ZNF385D: variants seen among roughly 807,000 people sequenced by gnomAD.
ZNF385D encodes the protein zinc finger protein 659.
ZNF385D carries 15 observed loss-of-function variants against 35.8 expected under a neutral mutation model. The ratio of observed to expected loss-of-function variants is 0.42; its 90% CI spans 0.28 to 0.64. The LOEUF is 0.64. ZNF385D is among the 30% of genes least tolerant of loss of function. The pLI, the probability that ZNF385D is intolerant of heterozygous loss-of-function variation, is 0.23. For synonymous variants in ZNF385D, 212 were observed against 186.8 expected, an observed-to-expected ratio of 1.13 and a Z score of -1.10; for missense variants, 474 against 494.6, an observed-to-expected ratio of 0.96 and a Z score of 0.39.
intron 2 of ZNF385D, among the ~76,000 whole-genome samples, chr3:22,292,602 T>C (rs908476395): frequency 2.0e-5 from 3 of 152,114 alleles, no homozygotes; most frequent in Non-Finnish European, 4.4e-5. Context: ...TTCATGTTGG[T>C]TCTTTCACAC....
chr3:22,266,170 G>T (rs2125353505), intron 2 of ZNF385D, among the ~76,000 whole-genome samples: 1 of 151,956 alleles, frequency 6.6e-6, no homozygotes, highest in East Asian at 2.0e-4. Context: ...TTTCCATTTG[G>T]ACCTTCATAC....
At chr3:22,219,126 T>C (rs963274927) in intron 2 of ZNF385D, among the ~76,000 whole-genome samples, 1 of 152,170 alleles carries the variant, frequency 6.6e-6, no homozygotes, top group African/African-American at 2.4e-5. Context: ...TAGCTCTTTT[T>C]GGGCTGAGAC....
chr3:22,195,351 A>T (rs1307199175), intron 2 of ZNF385D, among the ~76,000 whole-genome samples: 2 of 151,956 alleles, frequency 1.3e-5, no homozygotes, highest in East Asian at 3.9e-4. Flanking sequence ...GAGTTTTGAG[A>T]TTACGTACCC....
intron 3 of ZNF385D, among the ~76,000 whole-genome samples, chr3:21,517,292 C>G (rs1358400222): frequency 6.6e-6 from 1 of 151,954 alleles, no homozygotes; most frequent in Non-Finnish European, 1.5e-5. Flanking sequence ...TGAAGCCAAA[C>G]GACTGCCGAG....
chr3:22,265,657 T>C (rs190816862), intron 2 of ZNF385D, among the ~76,000 whole-genome samples: 48 of 152,074 alleles, frequency 3.2e-4, no homozygotes, highest in African/African-American at 1.1e-3. Context: ...CACTGAGTGA[T>C]AGAATTTTGG....
intron 4 of ZNF385D, among the ~76,000 whole-genome samples, chr3:21,456,597 G>T (rs1186836311): frequency 6.6e-6 from 1 of 152,066 alleles, no homozygotes; most frequent in Admixed American, 6.6e-5. Context: ...GGGGTGGGGG[G>T]AGTAAGGAGG....
chr3:21,830,079 T>A (rs1046224591), intron 3 of ZNF385D, among the ~76,000 whole-genome samples: 6 of 151,892 alleles, frequency 4.0e-5, no homozygotes, highest in Non-Finnish European at 8.8e-5. Context: ...GCCCGAGATA[T>A]CACTACTGCA....
At chr3:21,564,751 T>C in intron 2 of ZNF385D, 67 bp from the exon 3 acceptor site, 2 of 1,029,066 alleles carry the variant, frequency 1.9e-6, no homozygotes, top group Non-Finnish European at 2.8e-6. Flanking sequence ...GAATTTTGCC[T>C]ATTTCATTAA....
chr3:22,142,622 A>C (rs1041556562), intron 3 of ZNF385D, among the ~76,000 whole-genome samples: 2 of 152,240 alleles, frequency 1.3e-5, no homozygotes, highest in South Asian at 2.1e-4. Context: ...AGATTGTGTT[A>C]ATGGTATAGA....
At chr3:21,942,159 C>G (rs536252640) in intron 3 of ZNF385D, among the ~76,000 whole-genome samples, 2 of 152,056 alleles carry the variant, frequency 1.3e-5, no homozygotes, top group African/African-American at 4.8e-5. Context: ...AATTTTATAG[C>G]GTAATTTTTA....
intron 2 of ZNF385D, among the ~76,000 whole-genome samples, chr3:22,221,552 C>G (rs571955610): frequency 1.3e-5 from 2 of 152,204 alleles, no homozygotes; most frequent in East Asian, 3.9e-4. Context: ...ATAAAAGATG[C>G]CTTAATTTCA....
chr3:21,689,044 T>C (rs1042110508), intron 1 of ZNF385D, among the ~76,000 whole-genome samples: 3 of 150,996 alleles, frequency 2.0e-5, no homozygotes, highest in Non-Finnish European at 4.4e-5. Flanking sequence ...ATAATTCTTA[T>C]GGCTGAGACT....
intron 1 of ZNF385D, among the ~76,000 whole-genome samples, chr3:21,670,664 CCCCCCCCCCAA>C (rs1559505488): frequency 1.7e-4 from 3 of 18,144 alleles, no homozygotes; most frequent in African/African-American, 4.4e-4. Context: ...CCCCCCCCCC[CCCCCCCCCCAA>C]TGACTGAACG....
intron 3 of ZNF385D, among the ~76,000 whole-genome samples, chr3:21,925,025 G>A (rs1253524773): frequency 6.6e-6 from 1 of 152,014 alleles, no homozygotes; most frequent in Middle Eastern, 3.2e-3. Context: ...ATAAGTGGAG[G>A]TACATACCAT....
At chr3:21,500,885 A>G (rs1172570318) in intron 4 of ZNF385D, among the ~76,000 whole-genome samples, 1 of 152,118 alleles carries the variant, frequency 6.6e-6, no homozygotes, top group African/African-American at 2.4e-5. Context: ...GCAATCTTTG[A>G]TATACAAATG....
At chr3:21,436,086 T>C (rs148937799) in intron 5 of ZNF385D, among the ~76,000 whole-genome samples, 12 of 152,302 alleles carry the variant, frequency 7.9e-5, no homozygotes, top group African/African-American at 2.9e-4. Flanking sequence ...TTGAGAAAAG[T>C]TGATCTTGGC....
intron 3 of ZNF385D, among the ~76,000 whole-genome samples, chr3:21,810,929 C>A (rs1050164430): frequency 6.7e-6 from 1 of 149,526 alleles, no homozygotes; most frequent in Non-Finnish European, 1.5e-5. Context: ...AACATATATA[C>A]ACACACAGCA....
chr3:21,760,425 A>C (rs2070551173), intron 3 of ZNF385D, among the ~76,000 whole-genome samples: 1 of 152,188 alleles, frequency 6.6e-6, no homozygotes, highest in South Asian at 2.1e-4. Flanking sequence ...AGCCTCTTAT[A>C]AAGTATCTTC....
Position 21,822,542 on chromosome 3 carries a change from A to G in ZNF385D, c.326-157514T>C, listed in dbSNP as rs147277860. ...TTGTCATTACCTAGAAAATTTAGAC[A>G]TATGTATCCTACAACTCACTGATTC... On this transcript the variant is annotated intron_variant, in intron 3 of 5. Transcript: ENST00000494108. Among the ~76,000 whole-genome samples the G allele has an allele frequency of 3.8e-3, 582 of 152,192 alleles. 4 individuals carry two copies. The highest frequency in any genetic ancestry group is 0.014 in the African/African-American group (565 of 41,560).
Sources: gnomAD v4.1 joint callset for allele counts (sites outside exome capture counted in the v4.1 genomes callset) on GRCh38, gnomAD v4.1.1 for gene constraint, MANE v1.5 for transcripts, NCBI Gene and HGNC (gene_info 2026-07-23, HGNC 2026-07-21) for gene names.